The following PTPRT variants were observed in gnomAD, a reference collection of about 807,000 sequenced individuals.
The protein encoded by PTPRT is receptor-type tyrosine-protein phosphatase T.
Under a neutral mutation model 176.8 loss-of-function variants are expected in PTPRT, and 56 were observed. The ratio of observed to expected loss-of-function variants is 0.32; its 90% CI spans 0.26 to 0.40. The LOEUF (loss-of-function observed/expected upper bound fraction) is 0.40, where lower values mean the gene tolerates loss of function less well. Among genes scored for constraint, PTPRT ranks in the 10% least tolerant of loss-of-function variants. The pLI, the probability that PTPRT is intolerant of heterozygous loss-of-function variation, is 1.00. For missense variants in PTPRT, 1,540 were observed against 1,908.2 expected (o/e 0.81, Z 3.60); for synonymous variants, 783 against 739.0 (o/e 1.06, Z -0.96).
intron 7 of PTPRT, among the ~76,000 whole-genome samples, chr20:42,598,964 T>G (rs1414686613): frequency 6.6e-6 from 1 of 152,190 alleles, no homozygotes; most frequent in Non-Finnish European, 1.5e-5. Flanking sequence ...TAGAACCTTG[T>G]AAGCAAATCA....
the PTPRT span, among the ~76,000 whole-genome samples, chr20:42,053,512 C>G: frequency 1.3e-5 from 2 of 152,340 alleles, no homozygotes; most frequent in East Asian, 3.9e-4. Context: ...GCATTTCTCA[C>G]CTCATTAGTT....
intron 17 of PTPRT, among the ~76,000 whole-genome samples, chr20:42,145,500 A>AGAT (rs1988823296): frequency 7.0e-6 from 1 of 142,072 alleles, no homozygotes; most frequent in East Asian, 2.3e-4. Flanking sequence ...TTTGTCTCAT[A>AGAT]GATAGATAGA....
At chr20:42,998,015 A>G (rs1332432073) in intron 1 of PTPRT, among the ~76,000 whole-genome samples, 1 of 152,168 alleles carries the variant, frequency 6.6e-6, no homozygotes, top group African/African-American at 2.4e-5. Context: ...CAGAGACCCC[A>G]GAGACTATGG....
chr20:42,770,683 G>T (rs776197010), intron 5 of PTPRT, among the ~76,000 whole-genome samples: 8 of 152,178 alleles, frequency 5.3e-5, no homozygotes, highest in Non-Finnish European at 1.2e-4. Flanking sequence ...AGAAGTACCA[G>T]TGAATCACTG....
At chr20:43,057,311 A>C (rs1295440424) in intron 1 of PTPRT, among the ~76,000 whole-genome samples, 2 of 52,166 alleles carry the variant, frequency 3.8e-5, no homozygotes, top group African/African-American at 1.6e-4. Context: ...GAAGGAATGG[A>C]GGAGGAGGGG....
intron 2 of PTPRT, among the ~76,000 whole-genome samples, chr20:42,822,837 T>A (rs2077920866): frequency 6.6e-6 from 1 of 151,994 alleles, no homozygotes; most frequent in South Asian, 2.1e-4. Flanking sequence ...ATCAAAACCA[T>A]AATGAGATAC....
At chr20:42,484,059 C>T (rs1053386186) in intron 7 of PTPRT, among the ~76,000 whole-genome samples, 2 of 152,230 alleles carry the variant, frequency 1.3e-5, no homozygotes, top group East Asian at 1.9e-4. Flanking sequence ...AGCCTCTTTT[C>T]GTTCTTTTCA....
chr20:42,806,570 G>A (rs532828448), intron 2 of PTPRT, among the ~76,000 whole-genome samples: 1 of 151,824 alleles, frequency 6.6e-6, no homozygotes, highest in African/African-American at 2.4e-5. Context: ...ATAGTAGAAA[G>A]GCTGACAAAC....
Position 42,373,599 on chromosome 20 carries a change from A to G in PTPRT, c.1561-21314T>C, listed in dbSNP as rs115951748. Among the ~76,000 whole-genome samples the G allele has an allele frequency of 3.6e-3, 549 of 152,312 alleles. 1 individual carries two copies. Among genetic ancestry groups the G allele is most frequent in the African/African-American group, 0.012 (495 of 41,562 alleles). ...ACTATAAATGAACCTGTTGATACCA[A>G]TATGAATTCGCAGTTGTAATAATAG... On this transcript the variant is annotated intron_variant, in intron 9 of 30. Coordinates refer to ENST00000373187, the MANE Select transcript of PTPRT (RefSeq NM_007050.6).
intron 9 of PTPRT, among the ~76,000 whole-genome samples, chr20:42,428,239 C>T (rs1428961686): frequency 1.3e-5 from 2 of 152,198 alleles, no homozygotes; most frequent in Non-Finnish European, 2.9e-5. Flanking sequence ...AGAAATGCTA[C>T]CTTGACCATA....
chr20:42,773,229 A>G (rs1225137862), intron 4 of PTPRT, among the ~76,000 whole-genome samples: 1 of 152,138 alleles, frequency 6.6e-6, no homozygotes, highest in African/African-American at 2.4e-5. Flanking sequence ...TTGTCTACCA[A>G]TCTGTGTCAG....
chr20:42,087,111 A>G (rs1984046577), intron 27 of PTPRT, among the ~76,000 whole-genome samples: 1 of 151,772 alleles, frequency 6.6e-6, no homozygotes, highest in Admixed American at 6.5e-5. Flanking sequence ...TTTAGTGAGT[A>G]GAGGAGAGGA....
chr20:42,643,106 T>C (rs2074800249), intron 7 of PTPRT, among the ~76,000 whole-genome samples: 1 of 152,150 alleles, frequency 6.6e-6, no homozygotes, highest in African/African-American at 2.4e-5. Context: ...GACCTGCTAG[T>C]TAATCCAAGA....
chr20:42,298,020 C>T (rs1400120178), intron 12 of PTPRT, among the ~76,000 whole-genome samples: 2 of 152,064 alleles, frequency 1.3e-5, no homozygotes, highest in Admixed American at 6.6e-5. Context: ...AAAAATGATT[C>T]ATCTGACAAC....
chr20:42,552,503 A>G (rs1292456854), intron 7 of PTPRT, among the ~76,000 whole-genome samples: 1 of 152,212 alleles, frequency 6.6e-6, no homozygotes, highest in Non-Finnish European at 1.5e-5. Flanking sequence ...ACAAAAGCAA[A>G]CAAAAATGAC....
At chr20:42,179,583 A>C (rs1391587338) in intron 16 of PTPRT, among the ~76,000 whole-genome samples, 1 of 152,232 alleles carries the variant, frequency 6.6e-6, no homozygotes, top group Non-Finnish European at 1.5e-5. Flanking sequence ...AATGTGATGA[A>C]TTTGCTAAAC....
chr20:42,858,147 T>G (rs2078597458), intron 2 of PTPRT, among the ~76,000 whole-genome samples: 1 of 152,190 alleles, frequency 6.6e-6, no homozygotes, highest in African/African-American at 2.4e-5. Flanking sequence ...AAAGCTACTT[T>G]GGGGCAGACT....
chr20:42,449,604 G>A (rs894875307), intron 8 of PTPRT, among the ~76,000 whole-genome samples: 1 of 152,142 alleles, frequency 6.6e-6, no homozygotes, highest in Non-Finnish European at 1.5e-5. Flanking sequence ...TAAGAGAACT[G>A]AGGCTGAGAA....
chr20:42,784,647 C>A (rs208256), intron 3 of PTPRT, among the ~76,000 whole-genome samples: 2 of 151,780 alleles, frequency 1.3e-5, no homozygotes, highest in Non-Finnish European at 2.9e-5. Flanking sequence ...CACATAGCAC[C>A]GTTTTCCAGG....
Sources: gnomAD v4.1 joint callset for allele counts (sites outside exome capture counted in the v4.1 genomes callset) on GRCh38, gnomAD v4.1.1 for gene constraint, MANE v1.5 for transcripts, NCBI Gene and HGNC (gene_info 2026-07-23, HGNC 2026-07-21) for gene names.